The following EPHA3 variants were observed in gnomAD, a reference collection of about 807,000 sequenced individuals.
The protein encoded by EPHA3 is ephrin type-A receptor 3.
Under a neutral mutation model 107.1 loss-of-function variants are expected in EPHA3, and 42 were observed. The ratio of observed to expected loss-of-function variants is 0.39; its 90% CI spans 0.31 to 0.51. EPHA3 has a LOEUF of 0.51. Among genes scored for constraint, EPHA3 ranks in the 20% least tolerant of loss-of-function variants. The pLI is 0.78. For missense variants in EPHA3, 1,183 were observed against 1,211.2 expected (o/e 0.98, Z 0.35); for synonymous variants, 461 against 424.8 (o/e 1.09, Z -1.05).
At chr3:89,301,948 T>G (rs767166179) in intron 3 of EPHA3, among the ~76,000 whole-genome samples, 1 of 152,072 alleles carries the variant, frequency 6.6e-6, no homozygotes, top group Admixed American at 6.6e-5. Flanking sequence ...AAACTTTGAG[T>G]GTACTCAAGT....
At chr3:89,415,337 T>TA (rs961692843) in intron 10 of EPHA3, among the ~76,000 whole-genome samples, 11 of 149,870 alleles carry the variant, frequency 7.3e-5, no homozygotes, top group South Asian at 2.1e-4. Context: ...TTCTTAATCT[T>TA]AAAAAAAATA....
chr3:89,407,349 G>C lies in EPHA3; in HGVS notation c.1675G>C (p.Val559Leu). Residue 559 changes from valine to leucine, a missense_variant, in exon 8 of 17, where the codon GTC becomes CTC. Val to Leu is a conservative substitution (Grantham distance 32, BLOSUM62 1). Transcript: ENST00000336596. ...AAVAIILLTV[V>L]IYVLIGRFCG... ...AGTAGCAATTATTCTCCTCACTGTT[G>C]TCATCTATGTTTTGATTGGGAGGTG... The C allele has an allele frequency of 6.2e-7, 1 of 1,613,358 alleles. No homozygotes were observed. The highest frequency in any genetic ancestry group is 8.5e-7 in the Non-Finnish European group (1 of 1,179,516).
chr3:89,305,661 A>C (rs979828122), intron 3 of EPHA3, among the ~76,000 whole-genome samples: 3 of 152,106 alleles, frequency 2.0e-5, no homozygotes, highest in South Asian at 4.1e-4. Context: ...TGTTTTCTGA[A>C]CTAGTGTGTG....
intron 3 of EPHA3, among the ~76,000 whole-genome samples, chr3:89,253,255 A>G (rs1485014178): frequency 1.3e-5 from 2 of 152,084 alleles, no homozygotes; most frequent in Non-Finnish European, 2.9e-5. Context: ...TTTAGGGATA[A>G]AATCCCTCAA....
At chr3:89,339,460 C>T (rs1361521906) in intron 3 of EPHA3, among the ~76,000 whole-genome samples, 1 of 151,348 alleles carries the variant, frequency 6.6e-6, no homozygotes, top group South Asian at 2.1e-4. Flanking sequence ...AGTGTGACAC[C>T]AAAAGTTGTT....
chr3:89,122,400 A>T (rs549834837), intron 1 of EPHA3, among the ~76,000 whole-genome samples: 19 of 152,316 alleles, frequency 1.2e-4, no homozygotes, highest in Middle Eastern at 3.4e-3. Flanking sequence ...TGAGTTTGAA[A>T]TTCTTTAGCC....
chr3:89,352,913 A>G (rs1707862974), intron 5 of EPHA3, among the ~76,000 whole-genome samples: 1 of 149,684 alleles, frequency 6.7e-6, no homozygotes, highest in Admixed American at 6.7e-5. Context: ...AAAAAAAAAA[A>G]AAAAAAAAAA....
chr3:89,111,056 T>G (rs1321151230), intron 1 of EPHA3, among the ~76,000 whole-genome samples: 1 of 151,974 alleles, frequency 6.6e-6, no homozygotes, highest in Non-Finnish European at 1.5e-5. Context: ...AATTAAATAT[T>G]CATATTTATA....
At chr3:89,270,924 G>A (rs1553675206) in intron 3 of EPHA3, among the ~76,000 whole-genome samples, 1 of 152,012 alleles carries the variant, frequency 6.6e-6, no homozygotes, top group Non-Finnish European at 1.5e-5. Context: ...GATCATCATA[G>A]CGGTCATCCT....
At position 89,450,367 on chromosome 3, in the gene EPHA3, C is replaced by T. The variant is rs760890688; in HGVS notation, c.2687C>T (p.Ala896Val). ...GSLKIITSAA[A>V]RPSNLLLDQS... is the part of the protein sequence containing the mutation. ...CTGAAGATCATCACCAGTGCAGCCG[C>T]AAGGTGACACATTCAATTTGTTATC... The change falls in exon 15 of 17, where the codon GCA becomes GTA. Residue 896 changes from alanine (A) to valine (V), a missense_variant. Transcript: ENST00000336596. 2.5e-6 allele frequency: 4 copies of T among 1,607,884 alleles called. No individual in the cohort carries two copies. The African/African-American group carries it at 4.0e-5, about 16-fold the overall frequency.
chr3:89,291,077 A>G (rs1706197678), intron 3 of EPHA3, among the ~76,000 whole-genome samples: 1 of 152,142 alleles, frequency 6.6e-6, no homozygotes, highest in Non-Finnish European at 1.5e-5. Context: ...TGTTTGACTC[A>G]TCACTGGAAC....
chr3:89,331,940 A>G (rs932690316), intron 3 of EPHA3, among the ~76,000 whole-genome samples: 5 of 152,128 alleles, frequency 3.3e-5, no homozygotes, highest in African/African-American at 1.2e-4. Flanking sequence ...ACACTTCAGA[A>G]AAGCTTTTCA....
Position 89,158,327 on chromosome 3 carries a change from C to T in EPHA3, c.153+31054C>T, listed in dbSNP as rs1266069813. Among the ~76,000 whole-genome samples the T allele has an allele frequency of 6.6e-5, 10 of 152,094 alleles. No individual in the cohort carries two copies. In the East Asian group the frequency reaches 1.7e-3, roughly 27 times the overall value. ...TTCATTGAGGATTGCCTTTAATGTT[C>T]ATGGTAGACAGTATGTGGTTTTTCA... On this transcript the variant is annotated intron_variant, in intron 2 of 16. Transcript: ENST00000336596.
chr3:89,153,569 T>C (rs1704733465), intron 2 of EPHA3, among the ~76,000 whole-genome samples: 1 of 152,064 alleles, frequency 6.6e-6, no homozygotes, highest in South Asian at 2.1e-4. Flanking sequence ...CACATTTCAC[T>C]TGCAGTGGTG....
intron 2 of EPHA3, among the ~76,000 whole-genome samples, chr3:89,180,806 C>G (rs981644706): frequency 2.6e-5 from 4 of 151,812 alleles, no homozygotes; most frequent in African/African-American, 9.7e-5. Context: ...AAAATAAAAA[C>G]TTTTTTTGTA....
intron 5 of EPHA3, among the ~76,000 whole-genome samples, chr3:89,380,899 G>A (rs554084611): frequency 2.0e-5 from 3 of 151,954 alleles, no homozygotes; most frequent in East Asian, 3.9e-4. Flanking sequence ...CTCCCAAGTA[G>A]CTGGGATTAC....
chr3:89,351,819 TTC>T (rs1005113907), intron 5 of EPHA3, among the ~76,000 whole-genome samples: 9 of 151,062 alleles, frequency 6.0e-5, no homozygotes, highest in African/African-American at 2.2e-4. Context: ...CAAATTGATG[TTC>T]TGTTTACCTC....
intron 12 of EPHA3, 51 bp from the exon 13 acceptor site, chr3:89,431,099 T>C: frequency 8.3e-6 from 13 of 1,562,310 alleles, no homozygotes; most frequent in Non-Finnish European, 1.1e-5. Flanking sequence ...TAAAGATATA[T>C]CTTTAAGAAA....
At chr3:89,320,444 A>G (rs909611679) in intron 3 of EPHA3, among the ~76,000 whole-genome samples, 7 of 152,062 alleles carry the variant, frequency 4.6e-5, no homozygotes, top group African/African-American at 1.7e-4. Context: ...AGGTGACTAC[A>G]GGGATATTAT....
Sources: gnomAD v4.1 joint callset for allele counts (sites outside exome capture counted in the v4.1 genomes callset) on GRCh38, gnomAD v4.1.1 for gene constraint, MANE v1.5 for transcripts, NCBI Gene and HGNC (gene_info 2026-07-23, HGNC 2026-07-21) for gene names.